The following ROBO2 variants were observed in gnomAD, a reference collection of about 807,000 sequenced individuals.
The protein encoded by ROBO2 is roundabout guidance receptor 2.
Under a neutral mutation model 160.8 loss-of-function variants are expected in ROBO2, and 53 were observed. That is an observed-to-expected ratio of 0.33 (90% confidence interval 0.26 to 0.41). The LOEUF (loss-of-function observed/expected upper bound fraction) is 0.41. Ranked by LOEUF, ROBO2 falls within the 10% of genes least tolerant of loss-of-function variation. The pLI, the probability that ROBO2 is intolerant of heterozygous loss-of-function variation, is 1.00. For missense variants in ROBO2, 1,577 were observed against 1,722.4 expected (o/e 0.92, Z 1.49); for synonymous variants, 664 against 611.7 (o/e 1.09, Z -1.26).
rs1454664351 is a variant in ROBO2 at position 76,923,715 on chromosome 3, CTG to C, written c.110-174295_110-174294del. On this transcript the variant is annotated intron_variant, in intron 2 of 26. Transcript: ENST00000487694. ...ATCAGAAAGATTAATTGCAGAAACA[CTG>C]TGTCCTGTCTACAACTGTGCTGACA... 2.6e-5 allele frequency among the ~76,000 whole-genome samples: 4 copies of C among 152,330 alleles called. No homozygotes were observed. The East Asian group carries it at 7.7e-4, about 29-fold the overall frequency.
chr3:76,487,038 T>C (rs1420226681), intron 2 of ROBO2, among the ~76,000 whole-genome samples: 1 of 152,138 alleles, frequency 6.6e-6, no homozygotes, highest in Non-Finnish European at 1.5e-5. Flanking sequence ...GGCACAGTCA[T>C]AGCTCATGAC....
chr3:75,996,511 T>G (rs1205731400), intron 2 of ROBO2, among the ~76,000 whole-genome samples: 1 of 152,188 alleles, frequency 6.6e-6, no homozygotes, highest in Admixed American at 6.5e-5. Flanking sequence ...TAGTTCCTTA[T>G]AGCAATGTGA....
chr3:77,229,591 G>A (rs1443226263), intron 2 of ROBO2, among the ~76,000 whole-genome samples: 1 of 151,784 alleles, frequency 6.6e-6, no homozygotes. Flanking sequence ...AACCCAGGAG[G>A]TAGAGGTTGC....
At chr3:76,952,156 G>A (rs945740870) in intron 2 of ROBO2, among the ~76,000 whole-genome samples, 12 of 152,224 alleles carry the variant, frequency 7.9e-5, no homozygotes, top group Middle Eastern at 3.4e-3. Flanking sequence ...CACAGCCTGC[G>A]TTCTGACTAT....
intron 2 of ROBO2, among the ~76,000 whole-genome samples, chr3:77,315,713 T>C (rs1022835361): frequency 6.6e-6 from 1 of 152,156 alleles, no homozygotes; most frequent in Non-Finnish European, 1.5e-5. Context: ...GCTACATGGA[T>C]GGCAAGGTTT....
chr3:76,463,011 G>T (rs1289285690), intron 2 of ROBO2, among the ~76,000 whole-genome samples: 1 of 150,054 alleles, frequency 6.7e-6, no homozygotes, highest in Non-Finnish European at 1.5e-5. Flanking sequence ...CACTCACTTT[G>T]CCCATCACCG....
intron 2 of ROBO2, among the ~76,000 whole-genome samples, chr3:76,610,423 G>T (rs73114447): frequency 6.6e-6 from 1 of 152,158 alleles, no homozygotes; most frequent in Non-Finnish European, 1.5e-5. Context: ...GGCGTGGGGT[G>T]AGCAGCTTCC....
chr3:76,096,743 A>G (rs2069467977), intron 2 of ROBO2, among the ~76,000 whole-genome samples: 1 of 152,194 alleles, frequency 6.6e-6, no homozygotes, highest in South Asian at 2.1e-4. Flanking sequence ...AGGTGTTGCT[A>G]TTATCTTCAT....
chr3:76,887,747 A>G (rs1320656747), intron 2 of ROBO2, among the ~76,000 whole-genome samples: 1 of 152,136 alleles, frequency 6.6e-6, no homozygotes, highest in African/African-American at 2.4e-5. Flanking sequence ...TATGGTGTAC[A>G]TTTATTTTTC....
chr3:76,832,109 A>G (rs2067145263), intron 2 of ROBO2, among the ~76,000 whole-genome samples: 1 of 152,198 alleles, frequency 6.6e-6, no homozygotes, highest in African/African-American at 2.4e-5. Context: ...ATTAATTGAT[A>G]GTTTTGACTT....
At chr3:75,956,228 A>G (rs1300451966) in intron 2 of ROBO2, among the ~76,000 whole-genome samples, 1 of 151,770 alleles carries the variant, frequency 6.6e-6, no homozygotes, top group African/African-American at 2.4e-5. Flanking sequence ...TCACAGAACT[A>G]TGGCTTCCAA....
intron 2 of ROBO2, among the ~76,000 whole-genome samples, chr3:76,184,177 C>T (rs1181849446): frequency 6.6e-6 from 1 of 152,044 alleles, no homozygotes; most frequent in African/African-American, 2.4e-5. Context: ...CAGTGGGTCT[C>T]TTCTGCTTCT....
intron 2 of ROBO2, among the ~76,000 whole-genome samples, chr3:76,227,866 T>G (rs1234424919): frequency 6.6e-6 from 1 of 152,188 alleles, no homozygotes; most frequent in Non-Finnish European, 1.5e-5. Flanking sequence ...ACATAATCAC[T>G]TTTTTAGTGC....
intron 6 of ROBO2, among the ~76,000 whole-genome samples, chr3:77,542,076 A>C (rs1312367961): frequency 6.6e-6 from 1 of 152,196 alleles, no homozygotes; most frequent in African/African-American, 2.4e-5. Flanking sequence ...CCATCAGCCA[A>C]ATACTGTCTT....
intron 2 of ROBO2, among the ~76,000 whole-genome samples, chr3:76,425,613 A>C (rs7653626): frequency 0.48 from 73,113 of 151,374 alleles, 17,807 homozygotes; most frequent in East Asian, 0.54. Context: ...TCACTCAAAA[A>C]TTTTCCATGA....
intron 2 of ROBO2, among the ~76,000 whole-genome samples, chr3:76,418,508 G>C (rs953189951): frequency 6.6e-6 from 1 of 152,176 alleles, no homozygotes; most frequent in African/African-American, 2.4e-5. Flanking sequence ...CAAGTGTTGG[G>C]ATTACAGGCA....
At chr3:77,430,187 G>A (rs2153540904) in intron 2 of ROBO2, among the ~76,000 whole-genome samples, 1 of 152,246 alleles carries the variant, frequency 6.6e-6, no homozygotes, top group South Asian at 2.1e-4. Flanking sequence ...AAAGGCTAAA[G>A]ATTGGATCCT....
At chr3:76,770,179 T>C (rs1016239659) in intron 2 of ROBO2, among the ~76,000 whole-genome samples, 2 of 151,368 alleles carry the variant, frequency 1.3e-5, no homozygotes, top group Admixed American at 1.3e-4. Flanking sequence ...GATAACAAAA[T>C]ATTTGCAGAT....
rs192673890 is a variant in ROBO2, at chr3:77,490,359, G to A, written c.668-2885G>A. Among the ~76,000 whole-genome samples, 95 of 152,002 alleles carry A rather than the reference G, an allele frequency of 6.2e-4. 2 individuals are homozygous for A. The highest frequency in any genetic ancestry group is 3.4e-3 in the Middle Eastern group (1 of 294). ...CCCACCTCGGCCTCCGAAAGTGCTGGGATTACAGGCGTGAGCCACCACGCC... is the reference window on the plus strand; with the variant it reads ...CCCACCTCGGCCTCCGAAAGTGCTGAGATTACAGGCGTGAGCCACCACGCC... On this transcript the variant is annotated intron_variant, in intron 4 of 25. Transcript: ENST00000461745.
Sources: gnomAD v4.1 joint callset for allele counts (sites outside exome capture counted in the v4.1 genomes callset) on GRCh38, gnomAD v4.1.1 for gene constraint, MANE v1.5 for transcripts, NCBI Gene and HGNC (gene_info 2026-07-23, HGNC 2026-07-21) for gene names.